SERGEF: variants seen among roughly 807,000 people sequenced by gnomAD.
The protein encoded by SERGEF is secretion-regulating guanine nucleotide exchange factor.
In SERGEF, 51 loss-of-function variants were observed where a neutral mutation model predicts 50.0. That is an observed-to-expected ratio of 1.02 (90% CI 0.81 to 1.29). The LOEUF (loss-of-function observed/expected upper bound fraction) is 1.29. SERGEF is among the 50% of genes most tolerant of loss of function. The pLI is 0.00. For synonymous variants in SERGEF, 205 were observed against 212.4 expected, an observed-to-expected ratio of 0.97 and a Z score of 0.30; for missense variants, 521 against 557.0, an observed-to-expected ratio of 0.94 and a Z score of 0.65.
intron 10 of SERGEF, among the ~76,000 whole-genome samples, chr11:17,849,785 T>A (rs1420308048): frequency 6.6e-6 from 1 of 152,254 alleles, no homozygotes; most frequent in African/African-American, 2.4e-5. Context: ...GATTAATTTA[T>A]TCACGGTCAA....
chr11:17,928,489 ACTT>A (rs983017241), intron 9 of SERGEF, among the ~76,000 whole-genome samples: 2 of 152,110 alleles, frequency 1.3e-5, no homozygotes, highest in African/African-American at 4.8e-5. Context: ...CCAGTTTCTG[ACTT>A]CTTATCTGTC....
chr11:17,847,967 A>G (rs1349826309), intron 10 of SERGEF, among the ~76,000 whole-genome samples: 1 of 152,252 alleles, frequency 6.6e-6, no homozygotes, highest in Admixed American at 6.5e-5. Flanking sequence ...TAAATGAATT[A>G]CTACTATTTT....
chr11:17,871,316 C>G (rs1417294850), intron 10 of SERGEF, among the ~76,000 whole-genome samples: 1 of 151,968 alleles, frequency 6.6e-6, no homozygotes, highest in African/African-American at 2.4e-5. Flanking sequence ...AAAAAATTAG[C>G]CGGGTGTGGT....
chr11:17,825,339 C>A (rs1160193077), intron 10 of SERGEF, among the ~76,000 whole-genome samples: 1 of 152,160 alleles, frequency 6.6e-6, no homozygotes, highest in Non-Finnish European at 1.5e-5. Context: ...TATCCAAATG[C>A]CAGCCCTAGG....
At chr11:17,851,245 CAG>C (rs1850707328) in intron 10 of SERGEF, among the ~76,000 whole-genome samples, 1 of 152,136 alleles carries the variant, frequency 6.6e-6, no homozygotes, top group African/African-American at 2.4e-5. Context: ...AACCTATGCT[CAG>C]AGGAGTTCAA....
intron 9 of SERGEF, among the ~76,000 whole-genome samples, chr11:17,882,154 G>A (rs1434596439): frequency 1.3e-5 from 2 of 152,170 alleles, no homozygotes; most frequent in Non-Finnish European, 2.9e-5. Flanking sequence ...GGTGGCTCAC[G>A]TGTGTAATCC....
chr11:17,799,358 T>A (rs1849624600), intron 10 of SERGEF, among the ~76,000 whole-genome samples: 1 of 152,224 alleles, frequency 6.6e-6, no homozygotes, highest in Non-Finnish European at 1.5e-5. Flanking sequence ...CTGGAGGACT[T>A]GTTCTCCTAT....
At chr11:17,852,813 G>A (rs971138261) in intron 10 of SERGEF, among the ~76,000 whole-genome samples, 1 of 152,178 alleles carries the variant, frequency 6.6e-6, no homozygotes, top group African/African-American at 2.4e-5. Context: ...GAATGTGAGG[G>A]TTAGATCTGA....
chr11:17,929,718 G>A (rs989478922), intron 9 of SERGEF, among the ~76,000 whole-genome samples: 3 of 152,072 alleles, frequency 2.0e-5, no homozygotes, highest in African/African-American at 7.2e-5. Context: ...CTTCCTTCAG[G>A]TCTTTTGCAA....
At chr11:17,963,181 CA>C (rs1164488575) in intron 8 of SERGEF, among the ~76,000 whole-genome samples, 585 of 16,504 alleles carry the variant, frequency 0.035, no homozygotes, top group African/African-American at 0.062. Flanking sequence ...GACTCTGTTT[CA>C]AAAAAAAAAA....
Position 17,888,906 on chromosome 11 carries a change from T to C in SERGEF, c.1012-10662A>G, listed in dbSNP as rs1851483276. Reference sequence around the variant, plus strand: ...AAGTGATAAAAGAGTAAAGGAGACGTGTCAAAAGGAAACTAGCCAGCCTGA... The same window carrying C: ...AAGTGATAAAAGAGTAAAGGAGACGCGTCAAAAGGAAACTAGCCAGCCTGA... On this transcript the variant is annotated intron_variant, in intron 9 of 10. Transcript: ENST00000265965. This position sits in a 1 kb window ranked among gnomAD's most constrained non-coding sequence, Gnocchi z 4.1. Among the ~76,000 whole-genome samples, 1 of 152,146 alleles carries C rather than the reference T, an allele frequency of 6.6e-6. No individual in the cohort carries two copies. The highest frequency in any genetic ancestry group is 1.5e-5 in the Non-Finnish European group (1 of 68,022).
intron 8 of SERGEF, among the ~76,000 whole-genome samples, chr11:17,972,484 A>G (rs1194822079): frequency 6.6e-6 from 1 of 152,194 alleles, no homozygotes; most frequent in East Asian, 1.9e-4. Flanking sequence ...GGCTCAGAAG[A>G]TTTGCATTTT....
chr11:17,862,938 C>G (rs1254099767), intron 10 of SERGEF, among the ~76,000 whole-genome samples: 1 of 152,220 alleles, frequency 6.6e-6, no homozygotes, highest in Non-Finnish European at 1.5e-5. Flanking sequence ...GTAATGCTAG[C>G]TCTGCTGTTG....
At chr11:17,857,339 A>C (rs1850839766) in intron 10 of SERGEF, among the ~76,000 whole-genome samples, 1 of 152,126 alleles carries the variant, frequency 6.6e-6, no homozygotes, top group Non-Finnish European at 1.5e-5. Flanking sequence ...TCCACCATGA[A>C]AGTCTGTGGT....
chr11:17,966,533 A>G (rs972112042), intron 8 of SERGEF, among the ~76,000 whole-genome samples: 6 of 152,230 alleles, frequency 3.9e-5, no homozygotes, highest in Admixed American at 2.6e-4. Flanking sequence ...TGACTGGTAT[A>G]CAATTTAATT....
At chr11:17,807,146 G>A (rs1029195206) in intron 10 of SERGEF, among the ~76,000 whole-genome samples, 2 of 152,184 alleles carry the variant, frequency 1.3e-5, no homozygotes, top group African/African-American at 4.8e-5. Flanking sequence ...TAATGGAGAA[G>A]AGCAGTGTTC....
At chr11:17,820,008 A>C (rs1400608778) in intron 10 of SERGEF, among the ~76,000 whole-genome samples, 1 of 149,356 alleles carries the variant, frequency 6.7e-6, no homozygotes, top group Non-Finnish European at 1.5e-5. Context: ...TGGCTAATTA[A>C]AAAAAAATTT....
At chr11:17,843,262 T>C (rs953184007) in intron 10 of SERGEF, among the ~76,000 whole-genome samples, 1 of 152,090 alleles carries the variant, frequency 6.6e-6, no homozygotes, top group African/African-American at 2.4e-5. Context: ...TGGCTTGGGG[T>C]TGATCTATTC....
intron 10 of SERGEF, among the ~76,000 whole-genome samples, chr11:17,872,796 G>A (rs1851166333): frequency 6.6e-6 from 1 of 152,174 alleles, no homozygotes; most frequent in African/African-American, 2.4e-5. Context: ...GGAATATTAT[G>A]TAACTGTAAA....
Sources: allele counts gnomAD v4.1 joint callset (sites outside exome capture counted in the v4.1 genomes callset), GRCh38; gene constraint gnomAD v4.1.1; non-coding constraint Gnocchi (gnomAD v3.1); transcripts MANE v1.5; gene names NCBI Gene and HGNC (gene_info 2026-07-23, HGNC 2026-07-21).